The following PAIP2 variants were observed in gnomAD, a reference collection of about 807,000 sequenced individuals.
The protein encoded by PAIP2 is polyadenylate-binding protein-interacting protein 2.
In PAIP2, 7 loss-of-function variants were observed where a neutral mutation model predicts 14.8. The ratio of observed to expected loss-of-function variants is 0.47; its 90% confidence interval spans 0.27 to 0.89. The LOEUF (loss-of-function observed/expected upper bound fraction) is 0.89, where lower values mean the gene tolerates loss of function less well. Ranked by LOEUF, PAIP2 falls within the 40% of genes least tolerant of loss-of-function variation. The probability of loss-of-function intolerance (pLI) is 0.13; values close to 1 mark genes in which losing one functional copy is unlikely to be tolerated. For synonymous variants in PAIP2, 47 were observed against 45.3 expected, an observed-to-expected ratio of 1.04 and a Z score of -0.15; for missense variants, 122 against 154.7, an observed-to-expected ratio of 0.79 and a Z score of 1.12.
chr5:139,341,899 G>A lies in PAIP2; in HGVS notation c.-108G>A, dbSNP rs1756388352. 1 of 152,896 alleles carries A rather than the reference G, an allele frequency of 6.5e-6. No homozygotes were observed. 9.5% of individuals were successfully genotyped at this position (152,896 alleles called of 1,614,324 possible). ...GGAGGCGGCGGGCGAAGCGCACGTC[G>A]AGCGGGGGAGCGGCGCTGCCTGTGG... On this transcript the variant is annotated 5_prime_UTR_variant, in exon 1 of 4. Transcript: ENST00000265192.
rs779694261 is a variant in PAIP2 at position 139,365,445 on chromosome 5, G to A, written c.318+702G>A. ...GCGGAGGTTGCAGTGAGTGGAGATCGCACCATTGCACTCCAGCCTGGGCAA... is the reference window on the plus strand; with the variant it reads ...GCGGAGGTTGCAGTGAGTGGAGATCACACCATTGCACTCCAGCCTGGGCAA... On this transcript the variant is annotated intron_variant, in intron 3 of 3. Coordinates refer to ENST00000265192, the MANE Select transcript of PAIP2 (RefSeq NM_016480.5). Among the ~76,000 whole-genome samples the A allele has an allele frequency of 2.3e-4, 35 of 150,964 alleles. 1 individual carries two copies. The highest frequency in any genetic ancestry group is 9.9e-4 in the Admixed American group (15 of 15,124).
At chr5:139,358,281 G>T (rs1756974358) in intron 1 of PAIP2, among the ~76,000 whole-genome samples, 1 of 152,222 alleles carries the variant, frequency 6.6e-6, no homozygotes, top group Non-Finnish European at 1.5e-5. Context: ...CACAGGACTT[G>T]TGAGTATTAA....
chr5:139,342,289 C>CT (rs1480272374), intron 1 of PAIP2, among the ~76,000 whole-genome samples: 3 of 152,134 alleles, frequency 2.0e-5, no homozygotes, highest in African/African-American at 7.2e-5. Context: ...TCCTGTTCCT[C>CT]ATTCTCCCGG....
At chr5:139,358,637 T>C (rs1461283143) in intron 1 of PAIP2, among the ~76,000 whole-genome samples, 7 of 152,166 alleles carry the variant, frequency 4.6e-5, no homozygotes, top group South Asian at 2.1e-4. Context: ...TCAGAGTAGA[T>C]AAAATGTGTA....
chr5:139,366,545 G>A (rs1757258270), intron 3 of PAIP2, among the ~76,000 whole-genome samples: 1 of 152,176 alleles, frequency 6.6e-6, no homozygotes, highest in Non-Finnish European at 1.5e-5. Context: ...TTGAGCAGCT[G>A]TATGATCTGA....
At chr5:139,368,402 G>A (rs1374781630) in intron 3 of PAIP2, among the ~76,000 whole-genome samples, 4 of 152,020 alleles carry the variant, frequency 2.6e-5, no homozygotes, top group East Asian at 1.9e-4. Context: ...GGTGGCACGC[G>A]CCTGTAGTCC....
chr5:139,343,832 C>T (rs546590671), intron 1 of PAIP2, among the ~76,000 whole-genome samples: 1 of 151,830 alleles, frequency 6.6e-6, no homozygotes, highest in African/African-American at 2.4e-5. Flanking sequence ...ATTCTCCTGC[C>T]TCCGCCTCCC....
At chr5:139,362,073 A>C (rs1561963243) in intron 1 of PAIP2, among the ~76,000 whole-genome samples, 1 of 152,184 alleles carries the variant, frequency 6.6e-6, no homozygotes, top group South Asian at 2.1e-4. Flanking sequence ...AGCTATATAC[A>C]TGAAGAACCT....
intron 1 of PAIP2, chr5:139,343,378 C>T (rs1486463611): frequency 6.6e-6 from 1 of 152,166 alleles, no homozygotes; most frequent in South Asian, 2.1e-4. Flanking sequence ...CAAGGCTGTG[C>T]ACGTTGCTCC....
At chr5:139,357,202 TC>T (rs1456662052) in intron 1 of PAIP2, among the ~76,000 whole-genome samples, 3 of 152,238 alleles carry the variant, frequency 2.0e-5, no homozygotes, top group Non-Finnish European at 1.5e-5. Context: ...TGCCTTCACT[TC>T]CTGCATGGGC....
At chr5:139,346,244 T>A (rs1756543067) in intron 1 of PAIP2, among the ~76,000 whole-genome samples, 1 of 152,190 alleles carries the variant, frequency 6.6e-6, no homozygotes, top group Non-Finnish European at 1.5e-5. Flanking sequence ...GATTTTTAAA[T>A]TTTTATTTAT....
At chr5:139,367,756 C>T (rs1023774392) in intron 3 of PAIP2, 1 of 152,172 alleles carries the variant, frequency 6.6e-6, no homozygotes, top group Non-Finnish European at 1.5e-5. Context: ...TAACATGGTT[C>T]CTTGGTATTT....
intron 1 of PAIP2, among the ~76,000 whole-genome samples, chr5:139,358,807 T>C (rs1756989988): frequency 6.6e-6 from 1 of 152,154 alleles, no homozygotes; most frequent in African/African-American, 2.4e-5. Context: ...ATGTTCAGAA[T>C]AGGCAAATCT....
At chr5:139,354,044 A>C (rs1756833730) in intron 1 of PAIP2, among the ~76,000 whole-genome samples, 2 of 152,200 alleles carry the variant, frequency 1.3e-5, no homozygotes, top group South Asian at 4.1e-4. Context: ...TAATGCAGAA[A>C]GAAAGAGGAG....
intron 1 of PAIP2, among the ~76,000 whole-genome samples, chr5:139,360,332 C>T (rs2152052629): frequency 6.6e-6 from 1 of 152,152 alleles, no homozygotes; most frequent in African/African-American, 2.4e-5. Flanking sequence ...GTTTTTCATC[C>T]AAGTTTAATG....
chr5:139,353,032 T>A (rs1756795520), intron 1 of PAIP2, among the ~76,000 whole-genome samples: 1 of 151,640 alleles, frequency 6.6e-6, no homozygotes, highest in Non-Finnish European at 1.5e-5. Flanking sequence ...AGGACAATCG[T>A]TTGAACCCAG....
Position 139,343,217 on chromosome 5 carries a change from C to G in PAIP2, c.-27+1237C>G, listed in dbSNP as rs531254248. On this transcript the variant is annotated intron_variant, in intron 1 of 3. Coordinates refer to ENST00000265192, the MANE Select transcript of PAIP2 (RefSeq NM_016480.5). ...GACAGGATATTTGGGGAAAATTAGT[C>G]TGTTTATACTACTTGTCAGTTGTGA... 2.0e-5 allele frequency: 3 copies of G among 152,340 alleles called. No homozygotes were observed. In the South Asian group the frequency reaches 6.2e-4, roughly 32 times the overall value. The allele number at this position is 152,340 out of a possible 1,614,324, so 9.4% of individuals were successfully genotyped here.
At chr5:139,353,035 G>GA (rs1756795684) in intron 1 of PAIP2, among the ~76,000 whole-genome samples, 1 of 151,516 alleles carries the variant, frequency 6.6e-6, no homozygotes, top group African/African-American at 2.4e-5. Flanking sequence ...ACAATCGTTT[G>GA]AACCCAGGGG....
intron 3 of PAIP2, chr5:139,367,467 T>C (rs1201585185): frequency 2.0e-5 from 3 of 151,924 alleles, no homozygotes; most frequent in African/African-American, 7.2e-5. Flanking sequence ...CTTTGGCCCA[T>C]TCCCCCCCAC....
Sources: gnomAD v4.1 joint callset for allele counts (sites outside exome capture counted in the v4.1 genomes callset) on GRCh38, gnomAD v4.1.1 for gene constraint, MANE v1.5 for transcripts, NCBI Gene and HGNC (gene_info 2026-07-23, HGNC 2026-07-21) for gene names.